The following ABCB7 variants were observed in gnomAD, a reference collection of about 807,000 sequenced individuals.
ABCB7 encodes the protein iron-sulfur clusters transporter ABCB7, mitochondrial.
In ABCB7, 7 loss-of-function variants were observed where a neutral mutation model predicts 54.4. The ratio of observed to expected loss-of-function variants is 0.13; its 90% CI spans 0.07 to 0.24. The LOEUF (loss-of-function observed/expected upper bound fraction) is 0.24, where lower values mean the gene tolerates loss of function less well. Ranked by LOEUF, ABCB7 falls within the 10% of genes least tolerant of loss-of-function variation. ABCB7 has a pLI of 1.00. For missense variants in ABCB7, 356 were observed against 570.4 expected (o/e 0.62, Z 3.83); for synonymous variants, 218 against 207.1 (o/e 1.05, Z -0.45).
chrX:75,156,129 G>C lies in ABCB7; in HGVS notation c.144C>G (p.Ala48=), dbSNP rs772546011. 2 of 1,209,843 alleles carry C rather than the reference G, an allele frequency of 1.7e-6. No individual in the cohort carries two copies. Among genetic ancestry groups the C allele is most frequent in the Non-Finnish European group, 2.2e-6 (2 of 894,697 alleles). The change falls in exon 1 of 16, where the codon GCC becomes GCG. Residue 48 remains alanine (A), a synonymous_variant. Transcript: ENST00000373394. ...CCTGGTAGGCTCGAGCGGTTCCCAA[G>C]GCGCCGAGTTGATGTGGCCTCCACT... The part of the protein sequence containing the change: ...GPQWRPHQLG[A]LGTARAYQIP...
intron 1 of ABCB7, among the ~76,000 whole-genome samples, chrX:75,150,206 A>G (rs2082121040): frequency 9.0e-6 from 1 of 111,550 alleles, no homozygotes; most frequent in Non-Finnish European, 1.9e-5. Context: ...AGAAGAGGCC[A>G]TTGCTACTAC....
rs765495891 is a variant in ABCB7 at position 75,079,445 on chromosome X, T to A, written c.454-2791A>T. Among the ~76,000 whole-genome samples, 7 of 111,908 alleles carry A rather than the reference T, an allele frequency of 6.3e-5. No homozygotes were observed. In the Admixed American group the frequency reaches 6.6e-4, roughly 11 times the overall value. On this transcript the variant is annotated intron_variant, in intron 4 of 15. Coordinates refer to ENST00000373394, the MANE Select transcript of ABCB7 (RefSeq NM_001271696.3). Reference sequence around the variant, plus strand: ...TAGTGGTTTTCCCCAATATCCTGCCTTTAGCAGAACTAGATTTAAACCATT... The same window carrying A: ...TAGTGGTTTTCCCCAATATCCTGCCATTAGCAGAACTAGATTTAAACCATT...
chrX:75,153,760 G>GTATATATATATATATA (rs55904708), intron 1 of ABCB7, among the ~76,000 whole-genome samples: 38 of 94,106 alleles, frequency 4.0e-4, no homozygotes, highest in African/African-American at 1.4e-3. Flanking sequence ...GTGTGTGTGT[G>GTATATATATATATATA]TATATATATA....
chrX:75,086,844 A>G (rs1014383620), intron 4 of ABCB7, among the ~76,000 whole-genome samples: 6 of 111,896 alleles, frequency 5.4e-5, no homozygotes, highest in Non-Finnish European at 1.1e-4. Context: ...AAAACCAGCT[A>G]GATCCAAGAT....
chrX:75,121,869 T>G (rs2081881913), intron 1 of ABCB7, among the ~76,000 whole-genome samples: 1 of 111,833 alleles, frequency 8.9e-6, no homozygotes, highest in Admixed American at 9.5e-5. Context: ...CTCAACACAT[T>G]GATGCTTTCT....
intron 1 of ABCB7, among the ~76,000 whole-genome samples, chrX:75,154,918 T>C (rs763177543): frequency 3.2e-4 from 36 of 112,536 alleles, no homozygotes; most frequent in African/African-American, 1.2e-3. Flanking sequence ...ATAAATGTCA[T>C]TCCATCAGCC....
At chrX:75,143,018 T>C (rs1184110789) in intron 1 of ABCB7, among the ~76,000 whole-genome samples, 1 of 112,554 alleles carries the variant, frequency 8.9e-6, no homozygotes, top group Non-Finnish European at 1.9e-5. Flanking sequence ...ATGACCATAC[T>C]CTAAGCTAGT....
chrX:75,130,232 T>A (rs2147552323), intron 1 of ABCB7, among the ~76,000 whole-genome samples: 1 of 112,083 alleles, frequency 8.9e-6, no homozygotes, highest in East Asian at 2.8e-4. Context: ...ATTCTGATTT[T>A]AAAAATACAG....
At chrX:75,136,069 A>C (rs1304453157) in intron 1 of ABCB7, among the ~76,000 whole-genome samples, 2 of 110,625 alleles carry the variant, frequency 1.8e-5, no homozygotes, top group Non-Finnish European at 3.8e-5. Context: ...TGATACTATC[A>C]TATCATCTAG....
At chrX:75,115,791 G>T (rs548725348) in intron 1 of ABCB7, among the ~76,000 whole-genome samples, 4 of 107,526 alleles carry the variant, frequency 3.7e-5, no homozygotes, top group Non-Finnish European at 5.8e-5. Flanking sequence ...TGTGTTGGGG[G>T]GGGGGGCACG....
intron 1 of ABCB7, among the ~76,000 whole-genome samples, chrX:75,116,547 ACT>A (rs745916989): frequency 1.8e-4 from 20 of 111,015 alleles, no homozygotes; most frequent in African/African-American, 6.2e-4. Flanking sequence ...CAGAATAAAG[ACT>A]CTCTCCATGT....
chrX:75,151,533 C>T (rs1214690464), intron 1 of ABCB7, among the ~76,000 whole-genome samples: 1 of 111,596 alleles, frequency 9.0e-6, no homozygotes, highest in African/African-American at 3.3e-5. Flanking sequence ...AAGAACAATA[C>T]AAATTTGTCC....
intron 1 of ABCB7, among the ~76,000 whole-genome samples, chrX:75,140,603 A>C (rs1460376725): frequency 9.0e-6 from 1 of 111,151 alleles, no homozygotes; most frequent in Non-Finnish European, 1.9e-5. Flanking sequence ...GATAAAATTA[A>C]ACCTTAAAAC....
At chrX:75,117,140 G>T (rs927140461) in intron 1 of ABCB7, among the ~76,000 whole-genome samples, 11 of 111,005 alleles carry the variant, frequency 9.9e-5, no homozygotes, top group Non-Finnish European at 1.7e-4. Context: ...GACTTGCCCT[G>T]AATTCTTTCT....
chrX:75,064,979 T>A, intron 13 of ABCB7, 91 bp downstream of exon 13: 2 of 1,026,965 alleles, frequency 1.9e-6, no homozygotes, highest in Non-Finnish European at 2.7e-6. Context: ...ACATTTGAAG[T>A]CTCTCATTAC....
At chrX:75,117,304 A>G (rs1000326839) in intron 1 of ABCB7, among the ~76,000 whole-genome samples, 9 of 110,234 alleles carry the variant, frequency 8.2e-5, no homozygotes, top group Non-Finnish European at 3.8e-5. Flanking sequence ...ATCTTTCTGG[A>G]GACCACCGAA....
intron 1 of ABCB7, among the ~76,000 whole-genome samples, chrX:75,121,110 G>A (rs927807181): frequency 9.1e-6 from 1 of 109,320 alleles, no homozygotes; most frequent in East Asian, 2.9e-4. Context: ...CCAACATGAC[G>A]AAACCCCGTC....
chrX:75,069,096 G>T lies in ABCB7; in HGVS notation c.1570C>A (p.Pro524Thr). The change falls in exon 12 of 16, where the codon CCT becomes ACT. Residue 524 changes from proline (P) to threonine (T), a missense_variant. Pro to Thr is a conservative substitution (Grantham distance 38, BLOSUM62 -1). Around this residue, in one of 2 missense-constraint regions of ABCB7, gnomAD observed 241 missense variants for 470.9 expected, o/e 0.51. Transcript: ENST00000373394. ...GCAAGATAAATGCTACCCTTTTGAG[G>T]CTCATAGAAGCGAAATAATAGCCTC... ...IVRLLFRFYE[P>T]QKGSIYLAGQ... 1 of 1,208,743 alleles carries T rather than the reference G, an allele frequency of 8.3e-7. No homozygotes were observed. Among genetic ancestry groups the T allele is most frequent in the Non-Finnish European group, 1.1e-6 (1 of 893,043 alleles).
intron 13 of ABCB7, among the ~76,000 whole-genome samples, chrX:75,064,375 C>T (rs752406918): frequency 9.0e-6 from 1 of 111,156 alleles, no homozygotes; most frequent in Non-Finnish European, 1.9e-5. Flanking sequence ...ATAATCGATA[C>T]ATTTCCTGCC....
Sources: gnomAD v4.1 joint callset for allele counts (sites outside exome capture counted in the v4.1 genomes callset) on GRCh38, gnomAD v4.1.1 for gene constraint, gnomAD v4.1.1 regional missense constraint, MANE v1.5 for transcripts, NCBI Gene and HGNC (gene_info 2026-07-23, HGNC 2026-07-21) for gene names.